Variants in PRKN observed in about 807,000 individuals in gnomAD.
PRKN encodes the protein parkin RBR E3 ubiquitin protein ligase, also known as E3 ubiquitin-protein ligase parkin.
A neutral mutation model predicts 59.5 loss-of-function variants in PRKN; 56 were observed. The ratio of observed to expected loss-of-function variants is 0.94; its 90% CI spans 0.76 to 1.18. The LOEUF (loss-of-function observed/expected upper bound fraction) is 1.18. Ranked by LOEUF, PRKN falls within the 50% of genes most tolerant of loss-of-function variation. The probability of loss-of-function intolerance (pLI) is 0.00; values close to 1 mark genes in which losing one functional copy is unlikely to be tolerated. For synonymous variants in PRKN, 250 were observed against 222.1 expected (o/e 1.13, Z -1.12); for missense variants, 657 against 596.4 (o/e 1.10, Z -1.06).
At chr6:161,495,859 T>C (rs1562486292) in intron 9 of PRKN, among the ~76,000 whole-genome samples, 1 of 152,198 alleles carries the variant, frequency 6.6e-6, no homozygotes, top group South Asian at 2.1e-4. Flanking sequence ...CAGTGAAGCT[T>C]TATTTCAGCA....
chr6:161,943,939 A>G (rs946695672), intron 6 of PRKN, among the ~76,000 whole-genome samples: 1 of 150,252 alleles, frequency 6.7e-6, no homozygotes, highest in Non-Finnish European at 1.5e-5. Flanking sequence ...AGCCTGAGGA[A>G]GCAGCCTGAG....
chr6:161,955,116 C>T (rs1780124525), intron 6 of PRKN, among the ~76,000 whole-genome samples: 1 of 152,164 alleles, frequency 6.6e-6, no homozygotes, highest in Admixed American at 6.5e-5. Flanking sequence ...GGGTCAGCCC[C>T]ACCTCTTCTT....
chr6:161,955,575 G>A (rs1185350937), intron 6 of PRKN, among the ~76,000 whole-genome samples: 1 of 152,218 alleles, frequency 6.6e-6, no homozygotes, highest in Non-Finnish European at 1.5e-5. Context: ...TGGAGGCCGG[G>A]CACAGTGGCT....
At chr6:161,813,018 C>A (rs1299181271) in intron 6 of PRKN, among the ~76,000 whole-genome samples, 1 of 152,132 alleles carries the variant, frequency 6.6e-6, no homozygotes, top group Non-Finnish European at 1.5e-5. Context: ...GACATGGAAC[C>A]AGAAGTTTTC....
intron 7 of PRKN, among the ~76,000 whole-genome samples, chr6:161,759,326 C>T (rs1402449657): frequency 6.6e-6 from 1 of 152,124 alleles, no homozygotes; most frequent in Non-Finnish European, 1.5e-5. Context: ...GATCTAGGGG[C>T]TTCCTAGGTC....
In PRKN at chr6:161,386,090, T is replaced by C. The variant is rs1786226386; in HGVS notation, c.1167+704A>G. Among the ~76,000 whole-genome samples, 1 of 152,220 alleles carries C rather than the reference T, an allele frequency of 6.6e-6. No individual in the cohort carries two copies. The highest frequency in any genetic ancestry group is 2.4e-5 in the African/African-American group (1 of 41,462). ...ACTAGGTTCCTATCAGTACAATGAC[T>C]AAAGGATTTATTTGCAAAGATTTGG... On this transcript the variant is annotated intron_variant, in intron 10 of 11. Transcript: ENST00000366898. The surrounding 1 kb of genome is among the most constrained non-coding windows in gnomAD (Gnocchi z 4.3).
chr6:161,680,753 ATATATATATATATATATATATATT>A (rs1396402309), intron 7 of PRKN, among the ~76,000 whole-genome samples: 14,971 of 40,938 alleles, frequency 0.37, 1,743 homozygotes, highest in South Asian at 0.45. Context: ...ATATATATAT[ATATATATATATATATATATATATT>A]TTTTTTTTTT....
At chr6:162,505,857 T>A (rs1583687315) in intron 1 of PRKN, among the ~76,000 whole-genome samples, 1 of 152,310 alleles carries the variant, frequency 6.6e-6, no homozygotes, top group Middle Eastern at 3.4e-3. Context: ...TCTGCATTTT[T>A]CAGTTAGTTT....
At chr6:161,913,254 A>G (rs144362473) in intron 6 of PRKN, among the ~76,000 whole-genome samples, 69 of 152,282 alleles carry the variant, frequency 4.5e-4, no homozygotes, top group African/African-American at 1.2e-3. Context: ...AACTCAAAAG[A>G]AAATCAGCAA....
intron 1 of PRKN, among the ~76,000 whole-genome samples, chr6:162,576,672 C>T (rs1159012138): frequency 6.6e-6 from 1 of 151,866 alleles, no homozygotes; most frequent in East Asian, 1.9e-4. Context: ...ATTAGCTGGG[C>T]GTGGTGGCGC....
intron 11 of PRKN, among the ~76,000 whole-genome samples, chr6:161,351,834 C>T (rs926963136): frequency 3.9e-5 from 6 of 152,178 alleles, no homozygotes; most frequent in Non-Finnish European, 7.3e-5. Context: ...ACAATGATCT[C>T]ACCAAGGTCT....
intron 5 of PRKN, among the ~76,000 whole-genome samples, chr6:161,986,692 C>T (rs1432335669): frequency 6.6e-6 from 1 of 151,800 alleles, no homozygotes; most frequent in African/African-American, 2.4e-5. Flanking sequence ...CTGTCACCTA[C>T]ATATTCCTCC....
At chr6:161,607,441 C>A (rs1363493041) in intron 7 of PRKN, among the ~76,000 whole-genome samples, 3 of 152,014 alleles carry the variant, frequency 2.0e-5, no homozygotes, top group African/African-American at 7.2e-5. Flanking sequence ...TCAAACACAA[C>A]AAACACTCAA....
At chr6:162,192,114 C>T (rs1248764098) in intron 4 of PRKN, among the ~76,000 whole-genome samples, 1 of 151,980 alleles carries the variant, frequency 6.6e-6, no homozygotes, top group Non-Finnish European at 1.5e-5. Flanking sequence ...TTTCTCAAAC[C>T]CTTCTATGTA....
chr6:162,704,228 G>A (rs929643986), intron 1 of PRKN, among the ~76,000 whole-genome samples: 5 of 152,018 alleles, frequency 3.3e-5, no homozygotes, highest in Admixed American at 6.6e-5. Context: ...GGTGGACTGC[G>A]GGGGGGTTGT....
intron 2 of PRKN, among the ~76,000 whole-genome samples, chr6:162,333,409 G>A (rs1236248911): frequency 6.6e-6 from 1 of 151,998 alleles, no homozygotes; most frequent in Non-Finnish European, 1.5e-5. Context: ...TTTGCCAACA[G>A]CCATGTGCTC....
In PRKN at chr6:161,459,995, A is replaced by G. The variant is rs1790133148; in HGVS notation, c.1084-73118T>C. Among the ~76,000 whole-genome samples the G allele has an allele frequency of 1.3e-5, 2 of 152,206 alleles. No individual in the cohort carries two copies. Among genetic ancestry groups the G allele is most frequent in the Non-Finnish European group, 2.9e-5 (2 of 68,042 alleles). The stretch of plus-strand genomic sequence containing the variant: ...CAAATCACATATGCTTCTTTCCTTT[A>G]ATTCAACTATCCATCCATCAGTCCA... On this transcript the variant is annotated intron_variant, in intron 9 of 11. Coordinates refer to ENST00000366898, the MANE Select transcript of PRKN (RefSeq NM_004562.3). The surrounding 1 kb of genome is among the most constrained non-coding windows in gnomAD (Gnocchi z 4.8).
Position 161,480,325 on chromosome 6 carries a change from T to A in PRKN, c.1083+68529A>T, listed in dbSNP as rs1467616589. On this transcript the variant is annotated intron_variant, in intron 9 of 11. Transcript: ENST00000366898. This position sits in a 1 kb window ranked among gnomAD's most constrained non-coding sequence, Gnocchi z 4.1. ...CTGTGAGTATGGGGCCCTGTGAGTA[T>A]GGGGCCCTGTGAGTATGGGGCCCTG... Among the ~76,000 whole-genome samples the A allele has an allele frequency of 6.6e-6, 1 of 152,050 alleles. No individual in the cohort carries two copies. The highest frequency in any genetic ancestry group is 1.5e-5 in the Non-Finnish European group (1 of 67,988).
chr6:162,451,122 A>AAAAC (rs578117100), intron 1 of PRKN, among the ~76,000 whole-genome samples: 3 of 152,292 alleles, frequency 2.0e-5, no homozygotes, highest in East Asian at 1.9e-4. Flanking sequence ...AATGTCTTCC[A>AAAAC]AAACAAACAA....
Sources: gnomAD v4.1 joint callset for allele counts (sites outside exome capture counted in the v4.1 genomes callset) on GRCh38, gnomAD v4.1.1 for gene constraint, Gnocchi (gnomAD v3.1) non-coding constraint, MANE v1.5 for transcripts, NCBI Gene and HGNC (gene_info 2026-07-23, HGNC 2026-07-21) for gene names.